Variants in IARS1 observed in about 807,000 individuals in gnomAD.
The protein encoded by IARS1 is isoleucine--tRNA ligase, cytoplasmic.
IARS1 carries 124 observed loss-of-function variants against 168.2 expected under a neutral mutation model. The observed-to-expected ratio is 0.74, with a 90% CI of 0.64 to 0.86. IARS1 has a LOEUF of 0.86. IARS1 is among the 40% of genes least tolerant of loss of function. The pLI is 0.00. For missense variants in IARS1, 1,452 were observed against 1,515.8 expected, an observed-to-expected ratio of 0.96 and a Z score of 0.70; for synonymous variants, 532 against 529.4, an observed-to-expected ratio of 1.00 and a Z score of -0.07.
intron 19 of IARS1, among the ~76,000 whole-genome samples, 191 bp downstream of exon 19, chr9:92,258,663 T>C (rs1450426002): frequency 6.6e-6 from 1 of 152,238 alleles, no homozygotes; most frequent in Non-Finnish European, 1.5e-5. Flanking sequence ...GCCCATGGTC[T>C]TGGCATAGCC....
At chr9:92,254,455 A>C (rs1474274722) in intron 20 of IARS1, among the ~76,000 whole-genome samples, 1 of 152,230 alleles carries the variant, frequency 6.6e-6, no homozygotes, top group South Asian at 2.1e-4. Context: ...GTCTAAGCTA[A>C]GAGACGAGAA....
rs1272776301 is a variant in IARS1 at position 92,247,420 on chromosome 9, G to A, written c.2748C>T (p.Ile916=). The part of the protein sequence containing the change: ...KGAFKAVMTS[I]KQLSSEELEQ... ...CCAGCTCCTCACTGCTCAACTGCTTGATGGACGTCATCACTGCCTTAAAGG... is the reference window on the plus strand; with the variant it reads ...CCAGCTCCTCACTGCTCAACTGCTTAATGGACGTCATCACTGCCTTAAAGG... Residue 916 remains isoleucine, a synonymous_variant, in exon 26 of 34, where the codon ATC becomes ATT. Coordinates refer to ENST00000443024, the MANE Select transcript of IARS1 (RefSeq NM_002161.6). 1 of 1,614,148 alleles carries A rather than the reference G, an allele frequency of 6.2e-7. No homozygotes were observed. Among genetic ancestry groups the A allele is most frequent in the South Asian group, 1.1e-5 (1 of 91,082 alleles).
intron 1 of IARS1, among the ~76,000 whole-genome samples, chr9:92,291,401 TATC>T: frequency 6.6e-6 from 1 of 152,198 alleles, no homozygotes; most frequent in Non-Finnish European, 1.5e-5. Flanking sequence ...TGATTCAAGT[TATC>T]ATTTAAAAAA....
intron 30 of IARS1, among the ~76,000 whole-genome samples, chr9:92,238,035 A>T (rs1229189225): frequency 2.6e-5 from 4 of 152,048 alleles, no homozygotes; most frequent in Non-Finnish European, 5.9e-5. Flanking sequence ...CCTCCTGAGT[A>T]GCTGGGACTA....
intron 33 of IARS1, among the ~76,000 whole-genome samples, chr9:92,219,316 TA>T (rs1359929181): frequency 1.3e-5 from 2 of 152,040 alleles, no homozygotes; most frequent in African/African-American, 4.8e-5. Context: ...ATAAAAACCC[TA>T]GAAGAAAACC....
At chr9:92,243,545 G>A (rs1247725459) in intron 27 of IARS1, 1 of 401,910 alleles carries the variant, frequency 2.5e-6, no homozygotes, top group Non-Finnish European at 4.6e-6. Flanking sequence ...TTTTTTTGTA[G>A]GGTGCTGCTC....
intron 10 of IARS1, among the ~76,000 whole-genome samples, chr9:92,273,685 T>C (rs929591023): frequency 1.3e-5 from 2 of 152,246 alleles, no homozygotes; most frequent in Non-Finnish European, 2.9e-5. Context: ...CCGTACCCTC[T>C]ACATCTATAA....
chr9:92,264,673 G>A (rs1442048012), intron 16 of IARS1, among the ~76,000 whole-genome samples: 1 of 152,160 alleles, frequency 6.6e-6, no homozygotes, highest in Non-Finnish European at 1.5e-5. Flanking sequence ...AACATCCAGT[G>A]TAACACATAT....
At chr9:92,224,832 C>CAAAACAT (rs113904954) in intron 31 of IARS1, among the ~76,000 whole-genome samples, 2 of 148,470 alleles carry the variant, frequency 1.3e-5, no homozygotes, top group African/African-American at 5.0e-5. Context: ...GACCCTGTCT[C>CAAAACAT]AAAAAATAAA....
At chr9:92,216,152 A>T (rs1432207065) in intron 33 of IARS1, among the ~76,000 whole-genome samples, 7 of 151,316 alleles carry the variant, frequency 4.6e-5, no homozygotes, top group Admixed American at 4.6e-4. Context: ...TCAACCCAGA[A>T]TTTCATATCC....
intron 27 of IARS1, among the ~76,000 whole-genome samples, chr9:92,244,302 A>G (rs368056009): frequency 3.9e-4 from 59 of 152,172 alleles, no homozygotes; most frequent in African/African-American, 1.4e-3. Context: ...GTACACATCT[A>G]ACTTAAGCGC....
At position 92,229,387 on chromosome 9, in the gene IARS1, AC is replaced by A. The variant is rs1461385641; in HGVS notation, c.3284-262del. On this transcript the variant is annotated intron_variant, in intron 30 of 33. Transcript: ENST00000443024. ...CACACACACACACACACACACACAC[AC>A]ATCTCCATCCTTGGCATGTGTTTTG... Among the ~76,000 whole-genome samples, 4 of 150,098 alleles carry A rather than the reference AC, an allele frequency of 2.7e-5. No homozygotes were observed. In the East Asian group the frequency reaches 7.7e-4, roughly 29 times the overall value.
chr9:92,260,267 A>C (rs2133792844), intron 17 of IARS1, 33 bp from the exon 18 acceptor site: 1 of 1,259,968 alleles, frequency 7.9e-7, no homozygotes, highest in Non-Finnish European at 1.2e-6. Flanking sequence ...CCAATTAAGT[A>C]AGTCAATATC....
In IARS1 at chr9:92,258,916, C is replaced by T. The variant is rs1159074834; in HGVS notation, c.1954G>A (p.Val652Ile). Residue 652 changes from valine (V) to isoleucine (I), a missense_variant, in exon 19 of 34, where the codon GTA becomes ATA. Physicochemically the swap from Val to Ile is conservative, Grantham distance 29. Transcript: ENST00000443024. ...TAGGCATTGTACCATGGGAGCAGTA[C>T]ATCCTTAAGGACGTCCCGCACACCC... ...EEGVRDVLKD[V>I]LLPWYNAYRF... 1 of 1,614,072 alleles carries T rather than the reference C, an allele frequency of 6.2e-7. No homozygotes were observed. The highest frequency in any genetic ancestry group is 8.5e-7 in the Non-Finnish European group (1 of 1,179,982).
Position 92,260,194 on chromosome 9 carries a change from C to G in IARS1, c.1828G>C (p.Asp610His), listed in dbSNP as rs377474826. Residue 610 changes from aspartate to histidine, a missense_variant, in exon 18 of 34, where the codon GAT becomes CAT. Asp to His is a moderately conservative substitution (Grantham distance 81, BLOSUM62 -1). Coordinates refer to ENST00000443024, the MANE Select transcript of IARS1 (RefSeq NM_002161.6). ...KMSKRKKNYP[D>H]PVSIIQKYGA... ...TACTTCTGGATGATGGAAACTGGAT[C>G]TGGATAATTCTTTTTCCGTTTGCTC... 3 of 1,614,132 alleles carry G rather than the reference C, an allele frequency of 1.9e-6. No homozygotes were observed. Among genetic ancestry groups the G allele is most frequent in the African/African-American group, 1.3e-5 (1 of 75,058 alleles).
intron 9 of IARS1, 39 bp from the exon 10 acceptor site, chr9:92,274,560 T>G: frequency 2.1e-6 from 3 of 1,396,514 alleles, no homozygotes; most frequent in Non-Finnish European, 2.0e-6. Context: ...GATGAAACAT[T>G]ACTGTGTTAC....
chr9:92,242,949 C>T (rs957576270), intron 28 of IARS1: 31 of 378,312 alleles, frequency 8.2e-5, no homozygotes, highest in Non-Finnish European at 1.2e-4. Context: ...GCTCCAGTCA[C>T]AGGGGATATT....
intron 30 of IARS1, among the ~76,000 whole-genome samples, chr9:92,233,678 C>T (rs1385841349): frequency 6.6e-6 from 1 of 152,230 alleles, no homozygotes; most frequent in African/African-American, 2.4e-5. Flanking sequence ...CACGTCTCTC[C>T]ACTTACTTAG....
At chr9:92,220,708 G>A (rs1839539524) in intron 33 of IARS1, among the ~76,000 whole-genome samples, 1 of 152,216 alleles carries the variant, frequency 6.6e-6, no homozygotes, top group Non-Finnish European at 1.5e-5. Flanking sequence ...GTTCTTGCTT[G>A]TAATCCCAAT....
Sources: gnomAD v4.1 joint callset for allele counts (sites outside exome capture counted in the v4.1 genomes callset) on GRCh38, gnomAD v4.1.1 for gene constraint, MANE v1.5 for transcripts, NCBI Gene and HGNC (gene_info 2026-07-23, HGNC 2026-07-21) for gene names.